PTPRT: variants seen among roughly 807,000 people sequenced by gnomAD.
PTPRT encodes receptor-type tyrosine-protein phosphatase T.
Under a neutral mutation model 176.8 loss-of-function variants are expected in PTPRT, and 56 were observed. That is an observed-to-expected ratio of 0.32 (90% CI 0.26 to 0.40). The LOEUF (loss-of-function observed/expected upper bound fraction) is 0.40, where lower values mean the gene tolerates loss of function less well. PTPRT is among the 10% of genes least tolerant of loss of function. PTPRT has a pLI of 1.00. For missense variants in PTPRT, 1,540 were observed against 1,908.2 expected, an observed-to-expected ratio of 0.81 and a Z score of 3.60; for synonymous variants, 783 against 739.0, an observed-to-expected ratio of 1.06 and a Z score of -0.96.
At chr20:43,112,462 T>C (rs2012903612) in intron 1 of PTPRT, among the ~76,000 whole-genome samples, 1 of 152,114 alleles carries the variant, frequency 6.6e-6, no homozygotes, top group Non-Finnish European at 1.5e-5. Flanking sequence ...TTCTGTTGCA[T>C]GTTACGTAAT....
intron 1 of PTPRT, among the ~76,000 whole-genome samples, chr20:43,054,970 T>C (rs1987181458): frequency 6.6e-6 from 1 of 152,220 alleles, no homozygotes; most frequent in South Asian, 2.1e-4. Context: ...GTGTTGTTCA[T>C]GATGATTGAA....
At chr20:43,077,840 G>A (rs1043862601) in intron 1 of PTPRT, among the ~76,000 whole-genome samples, 3 of 152,190 alleles carry the variant, frequency 2.0e-5, no homozygotes, top group Non-Finnish European at 4.4e-5. Context: ...CAAAGCAGTA[G>A]ACCTCAGGAC....
intron 1 of PTPRT, among the ~76,000 whole-genome samples, chr20:43,071,065 G>A (rs572168446): frequency 6.6e-6 from 1 of 152,124 alleles, no homozygotes; most frequent in African/African-American, 2.4e-5. Context: ...ACAAGGGTAT[G>A]GTGATGACAA....
intron 6 of PTPRT, among the ~76,000 whole-genome samples, chr20:42,726,656 T>G (rs2076385699): frequency 6.6e-6 from 1 of 152,196 alleles, no homozygotes; most frequent in African/African-American, 2.4e-5. Flanking sequence ...ATGGGAACAC[T>G]ATCTGGTCCC....
intron 7 of PTPRT, among the ~76,000 whole-genome samples, chr20:42,660,063 C>T (rs113185477): frequency 8.5e-5 from 13 of 152,116 alleles, no homozygotes; most frequent in Non-Finnish European, 1.6e-4. Context: ...TGAATTAAGT[C>T]GCAGGGAAAC....
chr20:43,146,917 A>G (rs919952740), intron 1 of PTPRT, among the ~76,000 whole-genome samples: 2 of 152,154 alleles, frequency 1.3e-5, no homozygotes, highest in Non-Finnish European at 2.9e-5. Context: ...GTCCCCTAAA[A>G]GGAAGACAGA....
chr20:43,072,547 G>C (rs1051697611), intron 1 of PTPRT, among the ~76,000 whole-genome samples: 1 of 152,034 alleles, frequency 6.6e-6, no homozygotes, highest in African/African-American at 2.4e-5. Flanking sequence ...GCAAACCTTA[G>C]CTCTGGAAAA....
intron 17 of PTPRT, among the ~76,000 whole-genome samples, chr20:42,146,224 C>T (rs140310916): frequency 2.0e-3 from 311 of 152,238 alleles, no homozygotes; most frequent in African/African-American, 7.2e-3. Flanking sequence ...GGTTGCTGCT[C>T]TCAGTGGTAG....
intron 1 of PTPRT, among the ~76,000 whole-genome samples, chr20:43,127,720 C>G (rs907694864): frequency 2.6e-5 from 4 of 152,132 alleles, no homozygotes; most frequent in Non-Finnish European, 4.4e-5. Flanking sequence ...ATGGACATGT[C>G]CTTCTCCACC....
At chr20:42,050,930 C>T in the PTPRT span, among the ~76,000 whole-genome samples, 1 of 152,236 alleles carries the variant, frequency 6.6e-6, no homozygotes. Context: ...GAAAATAGCC[C>T]TCCCTATTGA....
intron 15 of PTPRT, among the ~76,000 whole-genome samples, chr20:42,209,186 A>G (rs139732544): frequency 2.0e-3 from 303 of 152,346 alleles, no homozygotes; most frequent in African/African-American, 7.0e-3. Flanking sequence ...TGCCCACAAG[A>G]GAAAGCAGGA....
chr20:43,135,236 T>A (rs1426207302), intron 1 of PTPRT, among the ~76,000 whole-genome samples: 1 of 152,102 alleles, frequency 6.6e-6, no homozygotes, highest in Non-Finnish European at 1.5e-5. Context: ...GGGTTCAGAG[T>A]GTACCTGGGT....
intron 7 of PTPRT, among the ~76,000 whole-genome samples, chr20:42,495,899 C>T (rs2071644907): frequency 6.6e-6 from 1 of 152,128 alleles, no homozygotes; most frequent in South Asian, 2.1e-4. Flanking sequence ...CCTCCCACCC[C>T]CACACAGTTG....
At position 42,496,212 on chromosome 20, in the gene PTPRT, G is replaced by T. The variant is rs537162186; in HGVS notation, c.1154-23650C>A. ...GGTCGGCTTTGCTGTCTCAAGGGTG[G>T]CAGAAGTGGAAGAAGTGGAGGAGGT... On this transcript the variant is annotated intron_variant, in intron 7 of 30. Transcript: ENST00000373187. Among the ~76,000 whole-genome samples, 30 of 152,228 alleles carry T rather than the reference G, an allele frequency of 2.0e-4. 1 individual carries two copies. The highest frequency in any genetic ancestry group is 6.0e-4 in the African/African-American group (25 of 41,548).
intron 16 of PTPRT, among the ~76,000 whole-genome samples, chr20:42,175,250 G>A (rs903549394): frequency 2.0e-5 from 3 of 152,218 alleles, no homozygotes; most frequent in Admixed American, 2.0e-4. Context: ...GCTATGATTG[G>A]TCTAGCTCTC....
chr20:42,083,156 TG>T (rs1388895762), intron 29 of PTPRT, among the ~76,000 whole-genome samples: 1 of 74,434 alleles, frequency 1.3e-5, no homozygotes, highest in African/African-American at 5.5e-5. Flanking sequence ...AAAACAAACA[TG>T]AGAGAGAGAG....
At chr20:42,574,265 C>T (rs2073217832) in intron 7 of PTPRT, among the ~76,000 whole-genome samples, 1 of 152,162 alleles carries the variant, frequency 6.6e-6, no homozygotes, top group African/African-American at 2.4e-5. Flanking sequence ...CTGCAAAGGG[C>T]TCTGCAGTTT....
intron 7 of PTPRT, among the ~76,000 whole-genome samples, chr20:42,508,996 A>G (rs1385187692): frequency 1.6e-5 from 2 of 122,978 alleles, no homozygotes; most frequent in African/African-American, 6.3e-5. Flanking sequence ...TTTAATTTAT[A>G]GATATAAATT....
chr20:42,166,701 C>T (rs1989838970), intron 16 of PTPRT, among the ~76,000 whole-genome samples: 1 of 152,080 alleles, frequency 6.6e-6, no homozygotes, highest in African/African-American at 2.4e-5. Flanking sequence ...GGCGGATTGT[C>T]TAGGTCAGGA....
Sources: gnomAD v4.1 joint callset for allele counts (sites outside exome capture counted in the v4.1 genomes callset) on GRCh38, gnomAD v4.1.1 for gene constraint, MANE v1.5 for transcripts, NCBI Gene and HGNC (gene_info 2026-07-23, HGNC 2026-07-21) for gene names.